CRPPA: variants seen among roughly 807,000 people sequenced by gnomAD.
CRPPA encodes the protein CDP-L-ribitol pyrophosphorylase A.
CRPPA carries 43 observed loss-of-function variants against 52.0 expected under a neutral mutation model. That is an observed-to-expected ratio of 0.83 (90% CI 0.65 to 1.07). CRPPA has a LOEUF of 1.07. Ranked by LOEUF, CRPPA falls within the 50% of genes least tolerant of loss-of-function variation. The pLI is 0.00. For synonymous variants in CRPPA, 250 were observed against 203.5 expected (o/e 1.23, Z -1.94); for missense variants, 629 against 551.7 (o/e 1.14, Z -1.40).
intron 9 of CRPPA, among the ~76,000 whole-genome samples, chr7:16,104,853 T>C (rs888471013): frequency 5.4e-5 from 8 of 148,540 alleles, no homozygotes; most frequent in African/African-American, 1.8e-4. Flanking sequence ...TGAGCCGAGA[T>C]CACGCCACTG....
In CRPPA at chr7:16,404,145, G is replaced by A. The variant is rs146737527; in HGVS notation, c.534+1916C>T. ...TAAAACTCATGATTTTACCCTTTATGTTTTAACACCAACAAAAACAAGGCA... is the reference window on the plus strand; with the variant it reads ...TAAAACTCATGATTTTACCCTTTATATTTTAACACCAACAAAAACAAGGCA... On this transcript the variant is annotated intron_variant, in intron 2 of 9. Transcript: ENST00000407010. Among the ~76,000 whole-genome samples, 63 of 152,150 alleles carry A rather than the reference G, an allele frequency of 4.1e-4. No homozygotes were observed. In the East Asian group the frequency reaches 0.012, roughly 29 times the overall value.
At chr7:16,130,080 G>A (rs1782653317) in intron 9 of CRPPA, among the ~76,000 whole-genome samples, 1 of 152,092 alleles carries the variant, frequency 6.6e-6, no homozygotes. Context: ...CACCCCTCAA[G>A]AAAATCCATT....
intron 9 of CRPPA, among the ~76,000 whole-genome samples, chr7:16,120,513 GA>G (rs775397679): frequency 1.4e-4 from 22 of 152,134 alleles, no homozygotes; most frequent in East Asian, 5.8e-4. Flanking sequence ...TAGGCTTTTA[GA>G]ATCAAATTTA....
intron 2 of CRPPA, among the ~76,000 whole-genome samples, chr7:16,382,176 G>A (rs1328005681): frequency 6.6e-6 from 1 of 152,038 alleles, no homozygotes; most frequent in Non-Finnish European, 1.5e-5. Context: ...AGCTCTTTTA[G>A]GGCGGGCCTG....
At chr7:16,211,782 T>A (rs1305536145) in intron 9 of CRPPA, among the ~76,000 whole-genome samples, 1 of 152,154 alleles carries the variant, frequency 6.6e-6, no homozygotes, top group Non-Finnish European at 1.5e-5. Flanking sequence ...TATATCATTA[T>A]CAGTTGACCT....
chr7:16,299,191 AT>A (rs1157776701), intron 5 of CRPPA, among the ~76,000 whole-genome samples: 1 of 151,986 alleles, frequency 6.6e-6, no homozygotes, highest in Non-Finnish European at 1.5e-5. Context: ...ACACTTTGGA[AT>A]TTTTTTTAAT....
chr7:16,362,633 G>C (rs986192675), intron 3 of CRPPA, among the ~76,000 whole-genome samples: 1 of 152,138 alleles, frequency 6.6e-6, no homozygotes, highest in African/African-American at 2.4e-5. Context: ...TATTTGCCTG[G>C]ACACCTGAGG....
At chr7:16,286,973 C>T (rs1418756480) in intron 5 of CRPPA, among the ~76,000 whole-genome samples, 3 of 152,134 alleles carry the variant, frequency 2.0e-5, no homozygotes, top group Admixed American at 6.6e-5. Flanking sequence ...ATACCAGTTC[C>T]TTATAGCCAA....
intron 9 of CRPPA, among the ~76,000 whole-genome samples, chr7:16,175,428 T>C (rs1781274220): frequency 6.6e-6 from 1 of 152,042 alleles, no homozygotes; most frequent in Non-Finnish European, 1.5e-5. Context: ...TTCAAGGGAG[T>C]GAATATCTAT....
chr7:16,269,797 C>T (rs1176625068), intron 6 of CRPPA: 1 of 152,102 alleles, frequency 6.6e-6, no homozygotes, highest in Admixed American at 6.5e-5. Flanking sequence ...TAAAATTATA[C>T]TACACACAAA....
chr7:16,247,841 G>A (rs755948557), intron 8 of CRPPA: 1 of 152,094 alleles, frequency 6.6e-6, no homozygotes, highest in Non-Finnish European at 1.5e-5. Flanking sequence ...AACTAGTTGT[G>A]AGAGACATGT....
intron 2 of CRPPA, among the ~76,000 whole-genome samples, chr7:16,384,982 A>G (rs959064416): frequency 7.2e-5 from 11 of 152,240 alleles, no homozygotes; most frequent in African/African-American, 2.4e-4. Flanking sequence ...ACTAATGTTA[A>G]GCAGTTTAAA....
intron 8 of CRPPA, among the ~76,000 whole-genome samples, chr7:16,256,036 T>G (rs547660107): frequency 6.6e-6 from 1 of 152,136 alleles, no homozygotes; most frequent in Non-Finnish European, 1.5e-5. Context: ...ATGTTTGCAA[T>G]CTATCTATCT....
chr7:16,392,543 TCA>T (rs1399012110), intron 2 of CRPPA, among the ~76,000 whole-genome samples: 6 of 152,126 alleles, frequency 3.9e-5, no homozygotes, highest in Admixed American at 1.3e-4. Context: ...CTGAAAGGGT[TCA>T]GTTTTGGTGG....
intron 9 of CRPPA, among the ~76,000 whole-genome samples, chr7:16,207,085 T>C (rs908631323): frequency 9.2e-5 from 14 of 152,164 alleles, no homozygotes; most frequent in African/African-American, 2.9e-4. Context: ...ATCAGAAACA[T>C]TGATAGGATT....
At chr7:16,250,846 T>C (rs1054517221) in intron 8 of CRPPA, among the ~76,000 whole-genome samples, 2 of 152,146 alleles carry the variant, frequency 1.3e-5, no homozygotes, top group African/African-American at 2.4e-5. Flanking sequence ...GCCAGAATCA[T>C]AACGATAGGA....
chr7:16,416,090 T>C (rs1485229279), intron 1 of CRPPA, among the ~76,000 whole-genome samples: 1 of 152,170 alleles, frequency 6.6e-6, no homozygotes, highest in African/African-American at 2.4e-5. Context: ...AGAATATCCT[T>C]ACTTATGAGG....
chr7:16,339,751 T>G (rs1785775138), intron 3 of CRPPA, among the ~76,000 whole-genome samples: 1 of 152,202 alleles, frequency 6.6e-6, no homozygotes, highest in South Asian at 2.1e-4. Flanking sequence ...TAAACTCATT[T>G]TCACAGGTGA....
At chr7:16,139,534 G>A (rs1290704885) in intron 9 of CRPPA, among the ~76,000 whole-genome samples, 1 of 151,988 alleles carries the variant, frequency 6.6e-6, no homozygotes, top group East Asian at 1.9e-4. Flanking sequence ...ATATTAGGTT[G>A]GTGCAAAAGT....
Sources: gnomAD v4.1 joint callset for allele counts (sites outside exome capture counted in the v4.1 genomes callset) on GRCh38, gnomAD v4.1.1 for gene constraint, MANE v1.5 for transcripts, NCBI Gene and HGNC (gene_info 2026-07-23, HGNC 2026-07-21) for gene names.